IL1RAPL1: variants seen among roughly 807,000 people sequenced by gnomAD.
IL1RAPL1 encodes the protein interleukin-1 receptor accessory protein-like 1.
IL1RAPL1 carries 3 observed loss-of-function variants against 48.4 expected under a neutral mutation model. The ratio of observed to expected loss-of-function variants is 0.06; its 90% CI spans 0.03 to 0.16. IL1RAPL1 has a LOEUF of 0.16. IL1RAPL1 is among the 10% of genes least tolerant of loss of function. The pLI is 1.00. For synonymous variants in IL1RAPL1, 185 were observed against 187.7 expected, an observed-to-expected ratio of 0.99 and a Z score of 0.12; for missense variants, 349 against 530.6, an observed-to-expected ratio of 0.66 and a Z score of 3.36.
intron 2 of IL1RAPL1, among the ~76,000 whole-genome samples, chrX:29,140,585 C>A (rs1483161787): frequency 8.9e-6 from 1 of 112,076 alleles, no homozygotes; most frequent in Non-Finnish European, 1.9e-5. Flanking sequence ...AGGATAGTTT[C>A]TGTGTAAGAA....
intron 2 of IL1RAPL1, among the ~76,000 whole-genome samples, chrX:28,807,727 C>T (rs749053176): frequency 2.1e-4 from 23 of 111,175 alleles, no homozygotes; most frequent in African/African-American, 1.6e-4. Flanking sequence ...TATAGATGTA[C>T]GCCATTTGTT....
At chrX:28,990,392 C>T (rs945820454) in intron 2 of IL1RAPL1, among the ~76,000 whole-genome samples, 1 of 111,817 alleles carries the variant, frequency 8.9e-6, no homozygotes, top group African/African-American at 3.2e-5. Flanking sequence ...AGTAAGCTTT[C>T]GTTGATCTGG....
At position 29,081,038 on chromosome X, in the gene IL1RAPL1, T is replaced by C. The variant is rs1184144297; in HGVS notation, c.83-201900T>C. ...TCTCTCTCTTTCTTTTCTTTTCTTT[T>C]CTTTTCTTTTCTTTTCTTTTCTTTC... is the stretch of plus-strand genomic sequence containing the variant. On this transcript the variant is annotated intron_variant, in intron 2 of 10. Coordinates refer to ENST00000378993, the MANE Select transcript of IL1RAPL1 (RefSeq NM_014271.4). Among the ~76,000 whole-genome samples the C allele has an allele frequency of 1.7e-4, 15 of 87,705 alleles. 1 individual carries two copies. Among genetic ancestry groups the C allele is most frequent in the Non-Finnish European group, 2.9e-4 (13 of 44,305 alleles). 76.2% of individuals were successfully genotyped at this position (87,705 alleles called of 115,157 possible).
intron 6 of IL1RAPL1, among the ~76,000 whole-genome samples, chrX:29,898,791 C>T (rs1273006979): frequency 8.9e-6 from 1 of 111,935 alleles, no homozygotes; most frequent in Non-Finnish European, 1.9e-5. Context: ...TCCACAACTT[C>T]CCACTTAGAG....
chrX:29,402,406 A>G (rs900892146), intron 5 of IL1RAPL1, among the ~76,000 whole-genome samples: 5 of 111,682 alleles, frequency 4.5e-5, no homozygotes, highest in Non-Finnish European at 9.4e-5. Context: ...CACTTACCTC[A>G]TTGCATCAAA....
chrX:29,787,487 T>C (rs1321891555), intron 6 of IL1RAPL1, among the ~76,000 whole-genome samples: 1 of 112,159 alleles, frequency 8.9e-6, no homozygotes, highest in Non-Finnish European at 1.9e-5. Context: ...ATGTGTTATT[T>C]TTTGAATACC....
intron 5 of IL1RAPL1, among the ~76,000 whole-genome samples, chrX:29,458,020 T>G (rs761938313): frequency 8.9e-6 from 1 of 112,205 alleles, no homozygotes; most frequent in African/African-American, 3.2e-5. Flanking sequence ...CCCCAAGTGA[T>G]CCACCTGCCT....
At chrX:29,607,425 C>A (rs1364016396) in intron 5 of IL1RAPL1, among the ~76,000 whole-genome samples, 1 of 112,034 alleles carries the variant, frequency 8.9e-6, no homozygotes, top group African/African-American at 3.2e-5. Context: ...CAAATATGAA[C>A]AAGCATTTAC....
chrX:28,876,836 C>T (rs1922387959), intron 2 of IL1RAPL1, among the ~76,000 whole-genome samples: 1 of 110,952 alleles, frequency 9.0e-6, no homozygotes, highest in African/African-American at 3.3e-5. Context: ...ATTATTCTCT[C>T]TGTCCTTTCA....
chrX:29,467,917 G>T (rs1569317897), intron 5 of IL1RAPL1, among the ~76,000 whole-genome samples: 1 of 111,393 alleles, frequency 9.0e-6, no homozygotes, highest in Admixed American at 9.6e-5. Context: ...CTGGAGTGCA[G>T]TGGCACAACC....
intron 1 of IL1RAPL1, among the ~76,000 whole-genome samples, chrX:28,642,760 A>G (rs980744450): frequency 1.8e-5 from 2 of 111,900 alleles, no homozygotes; most frequent in African/African-American, 6.5e-5. Flanking sequence ...TAGAGAAGCA[A>G]GAGCAAACAA....
At chrX:28,786,810 T>A (rs998302066) in intron 1 of IL1RAPL1, among the ~76,000 whole-genome samples, 7 of 112,175 alleles carry the variant, frequency 6.2e-5, no homozygotes, top group African/African-American at 1.9e-4. Context: ...TCACCAATAG[T>A]ATAAGCAATA....
chrX:29,534,875 A>G (rs1227728365), intron 5 of IL1RAPL1, among the ~76,000 whole-genome samples: 1 of 109,308 alleles, frequency 9.1e-6, no homozygotes, highest in African/African-American at 3.3e-5. Flanking sequence ...AGGCTGAGGC[A>G]GGAGAATGGC....
intron 2 of IL1RAPL1, among the ~76,000 whole-genome samples, chrX:28,879,050 C>T (rs769792650): frequency 9.0e-6 from 1 of 111,512 alleles, no homozygotes; most frequent in Non-Finnish European, 1.9e-5. Flanking sequence ...GTAGAAGGTG[C>T]AATAGTTTGT....
intron 1 of IL1RAPL1, among the ~76,000 whole-genome samples, chrX:28,730,271 G>A (rs918559005): frequency 4.1e-4 from 46 of 111,442 alleles, no homozygotes; most frequent in African/African-American, 1.4e-3. Flanking sequence ...AAATTGAGAT[G>A]ACCTGAATCT....
At chrX:29,868,631 T>A (rs1219700885) in intron 6 of IL1RAPL1, among the ~76,000 whole-genome samples, 1 of 112,510 alleles carries the variant, frequency 8.9e-6, no homozygotes, top group East Asian at 2.8e-4. Flanking sequence ...GACAGCAGAA[T>A]GTTGACCTTC....
At chrX:28,897,318 G>C (rs1922948939) in intron 2 of IL1RAPL1, among the ~76,000 whole-genome samples, 1 of 111,493 alleles carries the variant, frequency 9.0e-6, no homozygotes, top group Non-Finnish European at 1.9e-5. Flanking sequence ...AAACGTGGGT[G>C]AATAATCAGG....
intron 5 of IL1RAPL1, among the ~76,000 whole-genome samples, chrX:29,586,091 T>G (rs750615440): frequency 7.1e-5 from 8 of 112,063 alleles, no homozygotes; most frequent in Non-Finnish European, 1.1e-4. Flanking sequence ...TTGCCTATGC[T>G]TTTGGTGTCA....
chrX:29,805,219 T>C (rs1473837091), intron 6 of IL1RAPL1, among the ~76,000 whole-genome samples: 1 of 111,960 alleles, frequency 8.9e-6, no homozygotes, highest in Non-Finnish European at 1.9e-5. Context: ...TTATTTAGCA[T>C]TAATTGCAGC....
Sources: gnomAD v4.1 joint callset for allele counts (sites outside exome capture counted in the v4.1 genomes callset) on GRCh38, gnomAD v4.1.1 for gene constraint, MANE v1.5 for transcripts, NCBI Gene and HGNC (gene_info 2026-07-23, HGNC 2026-07-21) for gene names.